The following RABGAP1L variants were observed in gnomAD, a reference collection of about 807,000 sequenced individuals.
RABGAP1L encodes rab GTPase-activating protein 1-like.
A neutral mutation model predicts 137.7 loss-of-function variants in RABGAP1L; 63 were observed. The ratio of observed to expected loss-of-function variants is 0.46; its 90% CI spans 0.37 to 0.56. The LOEUF (loss-of-function observed/expected upper bound fraction) is 0.56. RABGAP1L is among the 20% of genes least tolerant of loss of function. The pLI is 0.00. For synonymous variants in RABGAP1L, 431 were observed against 433.7 expected, an observed-to-expected ratio of 0.99 and a Z score of 0.08; for missense variants, 1,095 against 1,244.0, an observed-to-expected ratio of 0.88 and a Z score of 1.80.
intron 10 of RABGAP1L, among the ~76,000 whole-genome samples, chr1:174,285,890 A>T (rs1161379538): frequency 6.6e-6 from 1 of 151,958 alleles, no homozygotes; most frequent in East Asian, 1.9e-4. Context: ...ACATTTATTG[A>T]TTTGTGTACG....
At chr1:174,225,655 G>A (rs781654074) in intron 3 of RABGAP1L, among the ~76,000 whole-genome samples, 1 of 151,946 alleles carries the variant, frequency 6.6e-6, no homozygotes, top group South Asian at 2.1e-4. Flanking sequence ...TAGTTTACAC[G>A]CAGAGTTAGG....
intron 19 of RABGAP1L, among the ~76,000 whole-genome samples, chr1:174,934,189 A>G (rs779921321): frequency 1.4e-3 from 212 of 152,156 alleles, no homozygotes; most frequent in Non-Finnish European, 2.1e-3. Context: ...CCTGGGTTCA[A>G]GCAATTCTCC....
At chr1:174,616,770 A>G (rs1349294134) in intron 13 of RABGAP1L, among the ~76,000 whole-genome samples, 1 of 152,234 alleles carries the variant, frequency 6.6e-6, no homozygotes, top group Non-Finnish European at 1.5e-5. Context: ...TAAATGTGGA[A>G]TGAAAGTTCT....
At chr1:174,208,954 C>A (rs1328247618) in intron 1 of RABGAP1L, among the ~76,000 whole-genome samples, 1 of 152,268 alleles carries the variant, frequency 6.6e-6, no homozygotes, top group Middle Eastern at 3.4e-3. Flanking sequence ...CAGTCCCCAA[C>A]CTTTTTGGCA....
At chr1:174,395,255 A>G (rs1445434503) in intron 13 of RABGAP1L, among the ~76,000 whole-genome samples, 2 of 152,156 alleles carry the variant, frequency 1.3e-5, no homozygotes, top group East Asian at 1.9e-4. Flanking sequence ...AACTTCCAAA[A>G]TATTATAGGT....
At chr1:174,581,803 G>A (rs1040142028) in intron 13 of RABGAP1L, among the ~76,000 whole-genome samples, 1 of 152,138 alleles carries the variant, frequency 6.6e-6, no homozygotes, top group Non-Finnish European at 1.5e-5. Flanking sequence ...TAGAAGTGGA[G>A]CAATGATGAT....
intron 11 of RABGAP1L, among the ~76,000 whole-genome samples, chr1:174,314,947 A>G (rs978923799): frequency 6.6e-6 from 1 of 152,194 alleles, no homozygotes; most frequent in Non-Finnish European, 1.5e-5. Flanking sequence ...TGTTCTGAGG[A>G]AAAGAATATG....
Position 174,241,666 on chromosome 1 carries a change from A to T in RABGAP1L, c.717+9A>T. ...GTGAAATTAAAGAGGCAGTAAGTAT[A>T]ATATAGTATAGCAATTTGCTATAGA... is the stretch of plus-strand genomic sequence containing the variant. On this transcript the variant is annotated intron_variant, in intron 5 of 25. Coordinates refer to ENST00000681986, the MANE Select transcript of RABGAP1L (RefSeq NM_001366446.1). The T allele has an allele frequency of 6.3e-7, 1 of 1,597,482 alleles. No individual in the cohort carries two copies. Among genetic ancestry groups the T allele is most frequent in the Middle Eastern group, 1.7e-4 (1 of 6,010 alleles).
At chr1:174,937,619 A>ATATATATATAT (rs1665075114) in intron 19 of RABGAP1L, among the ~76,000 whole-genome samples, 1 of 109,648 alleles carries the variant, frequency 9.1e-6, no homozygotes, top group African/African-American at 5.0e-5. Context: ...TACTTCATTA[A>ATATATATATAT]ATATATATAT....
chr1:174,483,061 A>G (rs569482270), intron 13 of RABGAP1L, among the ~76,000 whole-genome samples: 4 of 152,220 alleles, frequency 2.6e-5, no homozygotes, highest in Non-Finnish European at 5.9e-5. Flanking sequence ...ATATGCATGC[A>G]ATATGTAATA....
chr1:174,311,317 C>T (rs938650533), intron 11 of RABGAP1L, among the ~76,000 whole-genome samples: 1 of 152,124 alleles, frequency 6.6e-6, no homozygotes, highest in African/African-American at 2.4e-5. Context: ...AGAATTCATT[C>T]ACTATCATGA....
chr1:174,596,003 C>T (rs1477859268), intron 13 of RABGAP1L, among the ~76,000 whole-genome samples: 2 of 102,934 alleles, frequency 1.9e-5, no homozygotes, highest in African/African-American at 5.9e-5. Context: ...TAGCAATCAG[C>T]GAGATTCCGT....
chr1:174,606,966 C>G (rs1433770311), intron 13 of RABGAP1L, among the ~76,000 whole-genome samples: 1 of 152,012 alleles, frequency 6.6e-6, no homozygotes, highest in Non-Finnish European at 1.5e-5. Context: ...GAATAAAACC[C>G]AAGTATTTAT....
intron 18 of RABGAP1L, among the ~76,000 whole-genome samples, chr1:174,809,327 C>G (rs1480434361): frequency 6.6e-6 from 1 of 152,124 alleles, no homozygotes; most frequent in Non-Finnish European, 1.5e-5. Context: ...AGGCTTCAGC[C>G]CCACCCTGGT....
intron 19 of RABGAP1L, among the ~76,000 whole-genome samples, chr1:174,825,295 C>T (rs1218571472): frequency 2.0e-5 from 3 of 152,176 alleles, no homozygotes; most frequent in East Asian, 1.9e-4. Context: ...CTAGGAGAAG[C>T]GTCACGTTCT....
At chr1:174,963,023 TG>T (rs1669303908) in intron 20 of RABGAP1L, among the ~76,000 whole-genome samples, 1 of 151,786 alleles carries the variant, frequency 6.6e-6, no homozygotes, top group Admixed American at 6.6e-5. Context: ...CTCTTGAACC[TG>T]GGAGGCAGAG....
rs1023797248 is a variant in RABGAP1L at position 174,582,593 on chromosome 1, T to C, written c.1711-54782T>C. On this transcript the variant is annotated intron_variant, in intron 13 of 25. Coordinates refer to ENST00000681986, the MANE Select transcript of RABGAP1L (RefSeq NM_001366446.1). The stretch of plus-strand genomic sequence containing the variant: ...CCATCTCTTTAAAAAGAGAGAGAGA[T>C]GGAGGGAATGTTTAGCTTTGTCAGT... Among the ~76,000 whole-genome samples the C allele has an allele frequency of 1.1e-4, 17 of 152,052 alleles. 1 individual carries two copies. Among genetic ancestry groups the C allele is most frequent in the Admixed American group, 8.5e-4 (13 of 15,262 alleles).
At chr1:174,399,812 C>G (rs991179403) in intron 13 of RABGAP1L, among the ~76,000 whole-genome samples, 2 of 152,090 alleles carry the variant, frequency 1.3e-5, no homozygotes, top group Non-Finnish European at 2.9e-5. Flanking sequence ...CTCGTGGGAA[C>G]TCATTATCAC....
At chr1:174,505,773 T>C (rs1454261897) in intron 13 of RABGAP1L, among the ~76,000 whole-genome samples, 1 of 152,144 alleles carries the variant, frequency 6.6e-6, no homozygotes, top group Non-Finnish European at 1.5e-5. Context: ...AGAACCACCA[T>C]AGGATCCAGT....
Sources: allele counts gnomAD v4.1 joint callset (sites outside exome capture counted in the v4.1 genomes callset), GRCh38; gene constraint gnomAD v4.1.1; transcripts MANE v1.5; gene names NCBI Gene and HGNC (gene_info 2026-07-23, HGNC 2026-07-21).